NFIA: variants seen among roughly 807,000 people sequenced by gnomAD.
NFIA encodes the protein nuclear factor 1 A-type.
Under a neutral mutation model 62.8 loss-of-function variants are expected in NFIA, and 8 were observed. The ratio of observed to expected loss-of-function variants is 0.13; its 90% CI spans 0.07 to 0.23. The LOEUF (loss-of-function observed/expected upper bound fraction) is 0.23, where lower values mean the gene tolerates loss of function less well. Among genes scored for constraint, NFIA ranks in the 10% least tolerant of loss-of-function variants. NFIA has a pLI of 1.00. For synonymous variants in NFIA, 235 were observed against 238.1 expected, an observed-to-expected ratio of 0.99 and a Z score of 0.12; for missense variants, 410 against 642.1, an observed-to-expected ratio of 0.64 and a Z score of 3.91.
chr1:61,129,319 A>G (rs555078663), intron 2 of NFIA, among the ~76,000 whole-genome samples: 30 of 152,084 alleles, frequency 2.0e-4, no homozygotes, highest in Non-Finnish European at 1.0e-4. Context: ...TTAGTTTATT[A>G]TGTGTATATC....
At chr1:61,334,320 T>G (rs569591146) in intron 4 of NFIA, among the ~76,000 whole-genome samples, 2 of 152,004 alleles carry the variant, frequency 1.3e-5, no homozygotes, top group Admixed American at 6.5e-5. Context: ...ACCGGTTAAG[T>G]AGACACTACA....
At chr1:61,373,735 A>G (rs1483776384) in intron 6 of NFIA, among the ~76,000 whole-genome samples, 1 of 152,110 alleles carries the variant, frequency 6.6e-6, no homozygotes, top group African/African-American at 2.4e-5. Context: ...GGAGAGGAAA[A>G]GCTTTCATTT....
intron 3 of NFIA, among the ~76,000 whole-genome samples, chr1:61,292,496 A>G (rs1213703007): frequency 6.6e-6 from 1 of 152,194 alleles, no homozygotes; most frequent in African/African-American, 2.4e-5. Context: ...ATATCCACAT[A>G]AAAGAGAAAC....
chr1:61,176,050 T>C (rs749272963), intron 2 of NFIA, among the ~76,000 whole-genome samples: 12 of 152,248 alleles, frequency 7.9e-5, no homozygotes, highest in Non-Finnish European at 1.2e-4. Context: ...AGGATGGAGA[T>C]AGGAAGCATG....
chr1:61,138,756 A>G (rs990290423), intron 2 of NFIA, among the ~76,000 whole-genome samples: 8 of 151,654 alleles, frequency 5.3e-5, no homozygotes, highest in Non-Finnish European at 7.4e-5. Flanking sequence ...AATTTTTTGT[A>G]TCTTTAGTAG....
At chr1:61,140,147 T>C (rs547780072) in intron 2 of NFIA, among the ~76,000 whole-genome samples, 4 of 152,268 alleles carry the variant, frequency 2.6e-5, no homozygotes, top group Middle Eastern at 3.4e-3. Context: ...AAGGCTGAGA[T>C]AAGTACTGAA....
At chr1:61,446,133 G>A (rs566346822) in intron 10 of NFIA, among the ~76,000 whole-genome samples, 56 of 152,294 alleles carry the variant, frequency 3.7e-4, no homozygotes, top group African/African-American at 1.3e-3. Flanking sequence ...GAGAGATCTG[G>A]TGAAGTTCAG....
chr1:61,367,320 C>T (rs1663641749), intron 6 of NFIA, among the ~76,000 whole-genome samples: 1 of 152,136 alleles, frequency 6.6e-6, no homozygotes, highest in Non-Finnish European at 1.5e-5. Flanking sequence ...AACAATAGTG[C>T]TTTGATCATG....
chr1:61,160,375 A>C (rs939187697), intron 2 of NFIA, among the ~76,000 whole-genome samples: 2 of 152,204 alleles, frequency 1.3e-5, no homozygotes, highest in African/African-American at 4.8e-5. Context: ...CTGATTTCTA[A>C]TGAGCTCTTC....
intron 3 of NFIA, among the ~76,000 whole-genome samples, chr1:61,315,433 A>G (rs1376017664): frequency 6.6e-6 from 1 of 152,190 alleles, no homozygotes; most frequent in East Asian, 1.9e-4. Context: ...GTCTGTGACT[A>G]CGCTGCAACC....
intron 2 of NFIA, among the ~76,000 whole-genome samples, chr1:61,213,008 TC>T: frequency 6.6e-6 from 1 of 152,304 alleles, no homozygotes; most frequent in South Asian, 2.1e-4. Context: ...TCTTGACTGT[TC>T]CACTGCCCAT....
chr1:61,219,068 C>T (rs1384245498), intron 2 of NFIA, among the ~76,000 whole-genome samples: 1 of 152,036 alleles, frequency 6.6e-6, no homozygotes, highest in Non-Finnish European at 1.5e-5. Flanking sequence ...CCCGTCTCTA[C>T]TAAAAATACA....
chr1:61,413,956 C>A (rs1408774402), intron 9 of NFIA, among the ~76,000 whole-genome samples: 1 of 141,866 alleles, frequency 7.0e-6, no homozygotes, highest in African/African-American at 2.5e-5. Flanking sequence ...ATGTGTCAGG[C>A]ACTTCACAAA....
intron 3 of NFIA, among the ~76,000 whole-genome samples, chr1:61,278,175 A>T (rs1432227985): frequency 1.3e-5 from 2 of 152,230 alleles, no homozygotes; most frequent in African/African-American, 4.8e-5. Context: ...TCTGTTGCAG[A>T]TGCTTTATTA....
At chr1:61,249,995 G>A (rs1421845273) in intron 2 of NFIA, 2 of 152,028 alleles carry the variant, frequency 1.3e-5, no homozygotes, top group Non-Finnish European at 2.9e-5. Context: ...GGAAAATATT[G>A]GTAAATTATG....
chr1:61,311,721 T>C (rs1441224532), intron 3 of NFIA, among the ~76,000 whole-genome samples: 1 of 152,244 alleles, frequency 6.6e-6, no homozygotes. Context: ...GAATTCCATT[T>C]AATAAACAAA....
In NFIA at chr1:61,427,515, C is replaced by T. The variant is rs1666921951; in HGVS notation, c.1512+959C>T. ...TGCCTGTGTGTGGAATCTCCAGATG[C>T]CTAATTTATAACTATTTGCCTCTGT... On this transcript the variant is annotated intron_variant, in intron 10 of 10. Transcript: ENST00000403491. Among the ~76,000 whole-genome samples the T allele has an allele frequency of 2.6e-5, 4 of 152,160 alleles. No homozygotes were observed. The South Asian group carries it at 8.3e-4, about 32-fold the overall frequency.
At chr1:61,150,185 C>T (rs573771407) in intron 2 of NFIA, among the ~76,000 whole-genome samples, 62 of 152,198 alleles carry the variant, frequency 4.1e-4, no homozygotes, top group African/African-American at 7.5e-4. Flanking sequence ...GTTATTCTCG[C>T]GGGGCCAGGC....
At chr1:61,165,016 T>C (rs1173015257) in intron 2 of NFIA, among the ~76,000 whole-genome samples, 2 of 152,170 alleles carry the variant, frequency 1.3e-5, no homozygotes, top group Non-Finnish European at 2.9e-5. Flanking sequence ...TTTGTTTAAA[T>C]GGTTTCGTAT....
Sources: gnomAD v4.1 joint callset for allele counts (sites outside exome capture counted in the v4.1 genomes callset) on GRCh38, gnomAD v4.1.1 for gene constraint, MANE v1.5 for transcripts, NCBI Gene and HGNC (gene_info 2026-07-23, HGNC 2026-07-21) for gene names.